The following SPEF2 variants were observed in gnomAD, a reference collection of about 807,000 sequenced individuals.
SPEF2 encodes the protein sperm flagella and cilia-associated protein 2.
SPEF2 carries 187 observed loss-of-function variants against 224.6 expected under a neutral mutation model. The ratio of observed to expected loss-of-function variants is 0.83; its 90% CI spans 0.74 to 0.94. SPEF2 has a LOEUF of 0.94. Ranked by LOEUF, SPEF2 falls within the 40% of genes least tolerant of loss-of-function variation. The probability of loss-of-function intolerance (pLI) is 0.00; values close to 1 mark genes in which losing one functional copy is unlikely to be tolerated. For synonymous variants in SPEF2, 715 were observed against 707.3 expected, an observed-to-expected ratio of 1.01 and a Z score of -0.17; for missense variants, 2,170 against 2,135.6, an observed-to-expected ratio of 1.02 and a Z score of -0.32.
At chr5:35,632,499 AT>A (rs1745278096) in intron 2 of SPEF2, among the ~76,000 whole-genome samples, 1 of 152,166 alleles carries the variant, frequency 6.6e-6, no homozygotes, top group South Asian at 2.1e-4. Context: ...ACATGTAGGA[AT>A]TATGGGGATT....
chr5:35,756,799 T>C (rs1385194216), intron 24 of SPEF2, among the ~76,000 whole-genome samples: 2 of 152,166 alleles, frequency 1.3e-5, no homozygotes, highest in African/African-American at 2.4e-5. Context: ...CCCTGGGAGA[T>C]TGACAAGTGT....
At chr5:35,784,494 T>A (rs931983910) in intron 30 of SPEF2, among the ~76,000 whole-genome samples, 8 of 152,006 alleles carry the variant, frequency 5.3e-5, no homozygotes, top group Non-Finnish European at 7.4e-5. Flanking sequence ...TAGGCTGTAG[T>A]GGTTAAGCTA....
chr5:35,809,451 AC>A (rs1758404380), intron 36 of SPEF2, among the ~76,000 whole-genome samples: 1 of 152,122 alleles, frequency 6.6e-6, no homozygotes, highest in Non-Finnish European at 1.5e-5. Flanking sequence ...TAGGTCTTGA[AC>A]GATAGCCAGG....
intron 16 of SPEF2, among the ~76,000 whole-genome samples, chr5:35,703,251 A>T (rs1266700294): frequency 3.4e-5 from 5 of 145,990 alleles, no homozygotes; most frequent in South Asian, 2.1e-4. Context: ...CAAAAGTCTT[A>T]AAAAAATGAT....
At chr5:35,812,596 A>G (rs1758610354) in intron 36 of SPEF2, among the ~76,000 whole-genome samples, 1 of 152,216 alleles carries the variant, frequency 6.6e-6, no homozygotes. Context: ...TTCTCTAAAA[A>G]CTTAATAACT....
rs766822925 is a variant in SPEF2 at position 35,708,932 on chromosome 5, TATC to T, written c.2666-12_2666-10del. On this transcript the variant is annotated splice_polypyrimidine_tract_variant and intron_variant, in intron 18 of 36. Coordinates refer to ENST00000356031, the MANE Select transcript of SPEF2 (RefSeq NM_024867.4). Reference sequence around the variant, plus strand: ...AGAGTCTCTAATGAAGGTCAATTCTTATCATCCTTTTGAAGTTGAGAAGAAATT... The same window carrying T: ...AGAGTCTCTAATGAAGGTCAATTCTTATCCTTTTGAAGTTGAGAAGAAATT... The T allele has an allele frequency of 6.9e-6, 11 of 1,600,290 alleles. No individual in the cohort carries two copies. In the Admixed American group the frequency reaches 1.3e-4, roughly 18 times the overall value.
At position 35,705,633 on chromosome 5, in the gene SPEF2, C is replaced by A; in HGVS notation, c.2508-18C>A. The A allele has an allele frequency of 1.3e-6, 2 of 1,559,644 alleles. No individual in the cohort carries two copies. The highest frequency in any genetic ancestry group is 1.2e-5 in the South Asian group (1 of 80,132). ...TTTGATCAGTATGAGATATTCATAT[C>A]ATATTTTGATTTTGCAGAATTATAG... On this transcript the variant is annotated intron_variant, in intron 17 of 36. Coordinates refer to ENST00000356031, the MANE Select transcript of SPEF2 (RefSeq NM_024867.4).
At chr5:35,627,160 A>G (rs1415081023) in intron 1 of SPEF2, among the ~76,000 whole-genome samples, 4 of 151,966 alleles carry the variant, frequency 2.6e-5, no homozygotes, top group Non-Finnish European at 4.4e-5. Context: ...TTGAGAGATG[A>G]TAGCTTTGGC....
rs150156164 is a variant in SPEF2 at position 35,800,291 on chromosome 5, A to G, written c.5010+144A>G. On this transcript the variant is annotated intron_variant, in intron 34 of 36. Coordinates refer to ENST00000356031, the MANE Select transcript of SPEF2 (RefSeq NM_024867.4). ...ATGCTTTACACATACTAGGTCTTCA[A>G]CAAAGCCTTACTCAATTGGATTAAG... The G allele has an allele frequency of 4.7e-4, 400 of 853,042 alleles. 1 individual carries two copies. The African/African-American group carries it at 5.9e-3, about 13-fold the overall frequency. The allele number at this position is 853,042 out of a possible 1,614,324, so 52.8% of individuals were successfully genotyped here. A position where few individuals can be genotyped will look rare whatever the true frequency, so the allele number is the denominator to read the frequency against.
intron 2 of SPEF2, among the ~76,000 whole-genome samples, chr5:35,636,409 C>T (rs1458800532): frequency 6.6e-6 from 1 of 152,100 alleles, no homozygotes; most frequent in Non-Finnish European, 1.5e-5. Context: ...CATGTCTTTC[C>T]TAGGCATCCA....
At chr5:35,631,150 G>A (rs751226486) in intron 2 of SPEF2, among the ~76,000 whole-genome samples, 1 of 152,224 alleles carries the variant, frequency 6.6e-6, no homozygotes, top group African/African-American at 2.4e-5. Flanking sequence ...GGAGGAGCAA[G>A]CCACATCTTA....
intron 30 of SPEF2, chr5:35,789,052 G>A (rs191387590): frequency 3.4e-5 from 23 of 683,012 alleles, no homozygotes; most frequent in Admixed American, 1.9e-4. Context: ...TTGAAATATC[G>A]TATTATTTTG....
At chr5:35,669,405 A>G (rs1750933695) in intron 9 of SPEF2, among the ~76,000 whole-genome samples, 1 of 152,054 alleles carries the variant, frequency 6.6e-6, no homozygotes, top group East Asian at 1.9e-4. Flanking sequence ...TCATTTCTTT[A>G]AAGAGACCTT....
chr5:35,705,540 A>G (rs1739576561), intron 17 of SPEF2, 111 bp from the exon 18 acceptor site: 2 of 710,272 alleles, frequency 2.8e-6, no homozygotes, highest in Admixed American at 3.4e-5. Flanking sequence ...TTTCAGATAC[A>G]ATTATATTGG....
intron 34 of SPEF2, among the ~76,000 whole-genome samples, chr5:35,804,705 C>A (rs1378639630): frequency 6.9e-6 from 1 of 145,774 alleles, no homozygotes; most frequent in Non-Finnish European, 1.5e-5. Flanking sequence ...ACATTGCTAC[C>A]TCTTAAATTT....
At chr5:35,681,828 A>G (rs573638849) in intron 10 of SPEF2, among the ~76,000 whole-genome samples, 1 of 152,316 alleles carries the variant, frequency 6.6e-6, no homozygotes, top group African/African-American at 2.4e-5. Context: ...GATGTAGTCC[A>G]AGTGGTAATT....
chr5:35,719,670 G>C (rs1441806788), intron 20 of SPEF2, among the ~76,000 whole-genome samples: 3 of 151,804 alleles, frequency 2.0e-5, no homozygotes, highest in African/African-American at 7.3e-5. Context: ...CACCTAGGTT[G>C]GGGTGCAGTA....
At chr5:35,705,852 G>T (rs751517001) in intron 18 of SPEF2, 44 bp downstream of exon 18, 40 of 1,268,648 alleles carry the variant, frequency 3.2e-5, no homozygotes, top group Non-Finnish European at 3.8e-5. Context: ...CAACTAAAAT[G>T]TGTGGTTTTT....
intron 21 of SPEF2, among the ~76,000 whole-genome samples, chr5:35,739,248 T>C (rs1334641097): frequency 6.6e-6 from 1 of 152,150 alleles, no homozygotes; most frequent in African/African-American, 2.4e-5. Context: ...GAGATGAGTA[T>C]AGACAAGTAA....
Sources: gnomAD v4.1 joint callset for allele counts (sites outside exome capture counted in the v4.1 genomes callset) on GRCh38, gnomAD v4.1.1 for gene constraint, MANE v1.5 for transcripts, NCBI Gene and HGNC (gene_info 2026-07-23, HGNC 2026-07-21) for gene names.